Variants in DCDC2C observed in about 807,000 individuals in gnomAD.
DCDC2C encodes the protein doublecortin domain containing 2C, also known as doublecortin domain-containing protein 2C.
In DCDC2C, 44 loss-of-function variants were observed where a neutral mutation model predicts 45.0. The ratio of observed to expected loss-of-function variants is 0.98; its 90% CI spans 0.77 to 1.26. DCDC2C has a LOEUF of 1.26. Ranked by LOEUF, DCDC2C falls within the 50% of genes most tolerant of loss-of-function variation. The pLI, the probability that DCDC2C is intolerant of heterozygous loss-of-function variation, is 0.00. For missense variants in DCDC2C, 447 were observed against 468.9 expected (o/e 0.95, Z 0.43); for synonymous variants, 187 against 178.8 (o/e 1.05, Z -0.37).
At chr2:3,735,181 C>T (rs898849156) in intron 3 of DCDC2C, among the ~76,000 whole-genome samples, 1 of 152,008 alleles carries the variant, frequency 6.6e-6, no homozygotes, top group Admixed American at 6.6e-5. Flanking sequence ...TTGCTAACAC[C>T]CTAAGGAGGC....
intron 8 of DCDC2C, among the ~76,000 whole-genome samples, chr2:3,771,492 A>G (rs1185750114): frequency 2.0e-5 from 3 of 149,738 alleles, no homozygotes; most frequent in Non-Finnish European, 3.0e-5. Context: ...CACGGTGCAC[A>G]TGAGTGTATT....
chr2:3,838,007 C>T (rs1183269365), intron 10 of DCDC2C, among the ~76,000 whole-genome samples: 9 of 152,018 alleles, frequency 5.9e-5, no homozygotes, highest in Non-Finnish European at 1.3e-4. Flanking sequence ...GGAGGTGGAG[C>T]TTTAAAGAAA....
At chr2:3,827,621 T>C (rs1054792922) in intron 10 of DCDC2C, among the ~76,000 whole-genome samples, 2 of 152,232 alleles carry the variant, frequency 1.3e-5, no homozygotes, top group African/African-American at 4.8e-5. Context: ...ATACTTTCCA[T>C]TGAATCCTGG....
rs369813124 is a variant in DCDC2C, at chr2:3,727,452, G to A, written c.416+373G>A. ...TGATTTTTTTTTTAATGTAGCAGTT[G>A]CAGCTGCAGCATGTTGAAGGGAAAT... On this transcript the variant is annotated intron_variant, in intron 3 of 10. Transcript: ENST00000399143. Among the ~76,000 whole-genome samples the A allele has an allele frequency of 6.3e-4, 96 of 152,216 alleles. 2 individuals carry two copies. In the South Asian group the frequency reaches 0.019, roughly 30 times the overall value.
chr2:3,792,150 T>C (rs1670828529), intron 10 of DCDC2C, among the ~76,000 whole-genome samples: 1 of 152,182 alleles, frequency 6.6e-6, no homozygotes, highest in Non-Finnish European at 1.5e-5. Flanking sequence ...AAAGTGTCAG[T>C]GTAGGTATCT....
At chr2:3,751,903 C>A (rs1040859375) in intron 4 of DCDC2C, among the ~76,000 whole-genome samples, 1 of 152,200 alleles carries the variant, frequency 6.6e-6, no homozygotes, top group Non-Finnish European at 1.5e-5. Flanking sequence ...AATGCTCCTC[C>A]CCGGAATTCA....
In DCDC2C at chr2:3,836,432, C is replaced by G. The variant is rs138534765; in HGVS notation, c.1066-10722C>G. On this transcript the variant is annotated intron_variant, in intron 10 of 10. Coordinates refer to ENST00000399143, the MANE Select transcript of DCDC2C (RefSeq NM_001287444.2). ...ACTGGATCCTGGGGCAGCAAACACA[C>G]GTTAGTTCGGGGGAAATCCAAATAA... is the stretch of plus-strand genomic sequence containing the variant. 2.6e-5 allele frequency among the ~76,000 whole-genome samples: 4 copies of G among 152,230 alleles called. No homozygotes were observed. In the South Asian group the frequency reaches 8.3e-4, roughly 32 times the overall value.
chr2:3,771,390 T>C lies in DCDC2C; in HGVS notation c.954+1979T>C, dbSNP rs184665855. Among the ~76,000 whole-genome samples the C allele has an allele frequency of 5.9e-4, 90 of 152,360 alleles. 1 individual carries two copies. The highest frequency in any genetic ancestry group is 2.9e-4 in the Non-Finnish European group (20 of 68,034). On this transcript the variant is annotated intron_variant, in intron 8 of 10. Transcript: ENST00000399143. ...GAGGCAAGGCATGAAGCTCAGGCCA[T>C]GTAGACAGAGTGGTGTTGCCCAAAC...
Position 3,703,770 on chromosome 2 carries a change from T to A in DCDC2C, c.19T>A (p.Ser7Thr). Residue 7 changes from serine (S) to threonine (T), a missense_variant, in exon 1 of 11, where the codon TCC (serine) becomes ACC (threonine). Transcript: ENST00000399143. The surrounding 1 kb of genome is among the most constrained non-coding windows in gnomAD (Gnocchi z 4.4). ...CGCGGCTATGGGAACCCGCGGGCCC[T>A]CCGCGCCGGTGGACACCACGCCCGC... MGTRGP[S>T]APVDTTPAKT... The A allele has an allele frequency of 8.1e-7, 1 of 1,234,418 alleles. No homozygotes were observed. 76.5% of individuals were successfully genotyped at this position (1,234,418 alleles called of 1,614,324 possible).
intron 10 of DCDC2C, among the ~76,000 whole-genome samples, chr2:3,802,406 C>A (rs539011799): frequency 6.6e-6 from 1 of 152,186 alleles, no homozygotes. Flanking sequence ...CTTCTTTCAG[C>A]CCTGGAGGTA....
chr2:3,710,578 G>T (rs186874244), intron 2 of DCDC2C, among the ~76,000 whole-genome samples: 1 of 152,186 alleles, frequency 6.6e-6, no homozygotes, highest in East Asian at 1.9e-4. Context: ...GGTCACCCAG[G>T]CAGTGAGCAT....
chr2:3,724,080 G>A (rs890199839), intron 2 of DCDC2C, among the ~76,000 whole-genome samples: 3 of 152,098 alleles, frequency 2.0e-5, no homozygotes, highest in Non-Finnish European at 4.4e-5. Flanking sequence ...TGTTCTCATT[G>A]TTATCTCAAT....
Position 3,769,428 on chromosome 2 carries a change from C to T in DCDC2C, c.954+17C>T, listed in dbSNP as rs772610318. 1.0e-5 allele frequency: 16 copies of T among 1,547,644 alleles called. No homozygotes were observed. The highest frequency in any genetic ancestry group is 4.9e-5 in the East Asian group (2 of 40,878). On this transcript the variant is annotated intron_variant, in intron 8 of 10. Transcript: ENST00000399143. Reference sequence around the variant, plus strand: ...GTGGACCAGGTGGGTGTCCGGGGTCCGATGTCCATGCCGTCTTCACTCCAT... The same window carrying T: ...GTGGACCAGGTGGGTGTCCGGGGTCTGATGTCCATGCCGTCTTCACTCCAT...
At chr2:3,843,543 A>G (rs912519268) in intron 10 of DCDC2C, among the ~76,000 whole-genome samples, 2 of 152,156 alleles carry the variant, frequency 1.3e-5, no homozygotes, top group Admixed American at 1.3e-4. Flanking sequence ...ATTCATCCCC[A>G]TAGGAAAGGT....
At chr2:3,745,097 T>C (rs1669324791) in intron 4 of DCDC2C, among the ~76,000 whole-genome samples, 1 of 152,226 alleles carries the variant, frequency 6.6e-6, no homozygotes, top group African/African-American at 2.4e-5. Context: ...GTGATTTTCA[T>C]GCCTCAGCCT....
At chr2:3,723,669 A>T (rs1425828353) in intron 2 of DCDC2C, among the ~76,000 whole-genome samples, 1 of 152,024 alleles carries the variant, frequency 6.6e-6, no homozygotes, top group African/African-American at 2.4e-5. Context: ...GCTTGCCATG[A>T]GGGAAGGATT....
chr2:3,823,076 C>T (rs1671733374), intron 10 of DCDC2C, among the ~76,000 whole-genome samples: 1 of 152,166 alleles, frequency 6.6e-6, no homozygotes, highest in Admixed American at 6.5e-5. Flanking sequence ...TTGTAAATCT[C>T]CCAGTCTTGG....
chr2:3,785,662 G>C (rs1473893551), intron 10 of DCDC2C, among the ~76,000 whole-genome samples: 1 of 152,164 alleles, frequency 6.6e-6, no homozygotes, highest in African/African-American at 2.4e-5. Flanking sequence ...GTCAGCAATA[G>C]CTCTGTCCTC....
intron 10 of DCDC2C, among the ~76,000 whole-genome samples, chr2:3,792,193 T>C (rs1365574783): frequency 1.3e-5 from 2 of 152,198 alleles, no homozygotes; most frequent in Admixed American, 1.3e-4. Flanking sequence ...AAGTAGTTCA[T>C]AGAACTTGAT....
Sources: allele counts gnomAD v4.1 joint callset (sites outside exome capture counted in the v4.1 genomes callset), GRCh38; gene constraint gnomAD v4.1.1; non-coding constraint Gnocchi (gnomAD v3.1); transcripts MANE v1.5; gene names NCBI Gene and HGNC (gene_info 2026-07-23, HGNC 2026-07-21).